Variants in PABPC4L observed in about 807,000 individuals in gnomAD.
The protein encoded by PABPC4L is poly(A) binding protein cytoplasmic 4 like.
For missense variants in PABPC4L, 452 were observed against 451.4 expected, an observed-to-expected ratio of 1.00 and a Z score of -0.01; for synonymous variants, 169 against 164.1, an observed-to-expected ratio of 1.03 and a Z score of -0.23.
At chr4:134,019,139 T>C in the PABPC4L span, among the ~76,000 whole-genome samples, 1 of 152,164 alleles carries the variant, frequency 6.6e-6, no homozygotes, top group Non-Finnish European at 1.5e-5. Context: ...AGGATAATTA[T>C]TGCCATATGA....
At chr4:134,180,629 T>C in the PABPC4L span, among the ~76,000 whole-genome samples, 1 of 151,380 alleles carries the variant, frequency 6.6e-6, no homozygotes, top group Admixed American at 6.6e-5. Context: ...GATAGACCTC[T>C]AGCTAGACTA....
At chr4:134,122,461 G>C in the PABPC4L span, among the ~76,000 whole-genome samples, 1 of 151,904 alleles carries the variant, frequency 6.6e-6, no homozygotes, top group Non-Finnish European at 1.5e-5. Flanking sequence ...CAATAACAAT[G>C]AGCATCTTAG....
the PABPC4L span, among the ~76,000 whole-genome samples, chr4:134,179,971 A>C: frequency 6.6e-6 from 1 of 152,116 alleles, no homozygotes; most frequent in Admixed American, 6.6e-5. Context: ...AGGATTAGAC[A>C]GTATTAGACA....
At chr4:134,072,496 G>C in the PABPC4L span, among the ~76,000 whole-genome samples, 1 of 152,110 alleles carries the variant, frequency 6.6e-6, no homozygotes, top group South Asian at 2.1e-4. Context: ...TAGAATTGTA[G>C]GTGTGTTTTC....
the PABPC4L span, among the ~76,000 whole-genome samples, chr4:134,071,143 G>T: frequency 6.6e-6 from 1 of 152,180 alleles, no homozygotes; most frequent in South Asian, 2.1e-4. Flanking sequence ...CATGGCAAGA[G>T]CACGTTGCTC....
the PABPC4L span, among the ~76,000 whole-genome samples, chr4:133,988,491 T>G: frequency 6.6e-6 from 1 of 152,214 alleles, no homozygotes; most frequent in Non-Finnish European, 1.5e-5. Flanking sequence ...TCATTAAATC[T>G]TAAAGTTCCA....
the PABPC4L span, among the ~76,000 whole-genome samples, chr4:134,114,313 C>G: frequency 2.0e-5 from 3 of 151,762 alleles, no homozygotes; most frequent in African/African-American, 7.2e-5. Context: ...TGGCAGTCAG[C>G]CTGCAGATGT....
At chr4:134,095,235 T>C in the PABPC4L span, among the ~76,000 whole-genome samples, 4 of 152,070 alleles carry the variant, frequency 2.6e-5, no homozygotes, top group African/African-American at 9.6e-5. Context: ...CATCTGATGG[T>C]ATTGTTCTGA....
At chr4:133,978,995 C>A in the PABPC4L span, 1 of 152,068 alleles carries the variant, frequency 6.6e-6, no homozygotes, top group Non-Finnish European at 1.5e-5. Context: ...ATAGTAGCAA[C>A]AAAAATTGTA....
At chr4:134,177,581 A>G in the PABPC4L span, among the ~76,000 whole-genome samples, 3 of 152,144 alleles carry the variant, frequency 2.0e-5, no homozygotes, top group Non-Finnish European at 4.4e-5. Flanking sequence ...CACTACTGGT[A>G]ACCAGGCAGG....
the PABPC4L span, among the ~76,000 whole-genome samples, chr4:133,952,038 C>T: frequency 6.6e-6 from 1 of 152,128 alleles, no homozygotes; most frequent in African/African-American, 2.4e-5. Context: ...TTTTTGGAGG[C>T]TCACAATCCC....
chr4:134,086,138 T>C, the PABPC4L span, among the ~76,000 whole-genome samples: 1 of 149,940 alleles, frequency 6.7e-6, no homozygotes, highest in East Asian at 1.9e-4. Context: ...GGTTCTTTTT[T>C]CTTTGGCATT....
At chr4:134,121,704 C>T in the PABPC4L span, among the ~76,000 whole-genome samples, 68,577 of 151,334 alleles carry the variant, frequency 0.45, 18,023 homozygotes, top group East Asian at 0.98. Context: ...TTTTTTTCAA[C>T]TTCCAGCTCC....
At chr4:134,061,990 A>G in the PABPC4L span, among the ~76,000 whole-genome samples, 1 of 151,896 alleles carries the variant, frequency 6.6e-6, no homozygotes, top group African/African-American at 2.4e-5. Context: ...AATGCAATAA[A>G]CATACAACTT....
At chr4:134,156,222 G>C in the PABPC4L span, among the ~76,000 whole-genome samples, 2 of 151,888 alleles carry the variant, frequency 1.3e-5, no homozygotes, top group Non-Finnish European at 3.0e-5. Flanking sequence ...AAGTAATCTC[G>C]ACCTAAGGGA....
chr4:134,136,103 A>G, the PABPC4L span, among the ~76,000 whole-genome samples: 2 of 152,240 alleles, frequency 1.3e-5, no homozygotes, highest in African/African-American at 4.8e-5. Flanking sequence ...GAGAAATAGT[A>G]TAGATTCAAA....
chr4:134,033,143 C>G, the PABPC4L span, among the ~76,000 whole-genome samples: 5 of 150,866 alleles, frequency 3.3e-5, no homozygotes, highest in African/African-American at 9.7e-5. Context: ...TTTGGTAATT[C>G]TCACAGTATT....
chr4:133,990,902 A>T, the PABPC4L span, among the ~76,000 whole-genome samples: 1 of 152,080 alleles, frequency 6.6e-6, no homozygotes, highest in Non-Finnish European at 1.5e-5. Context: ...TCCTCTCCTG[A>T]AGCTTTTTCA....
the PABPC4L span, among the ~76,000 whole-genome samples, chr4:134,149,555 A>G: frequency 6.6e-6 from 1 of 152,282 alleles, no homozygotes; most frequent in Non-Finnish European, 1.5e-5. Flanking sequence ...TTACATTTCA[A>G]AGAAATTGTT....
Sources: allele counts gnomAD v4.1 joint callset (sites outside exome capture counted in the v4.1 genomes callset), GRCh38; gene constraint gnomAD v4.1.1; transcripts MANE v1.5; gene names NCBI Gene and HGNC (gene_info 2026-07-23, HGNC 2026-07-21).